RAB38: variants seen among roughly 807,000 people sequenced by gnomAD.
The protein encoded by RAB38 is RAB38, member RAS oncogene family.
A neutral mutation model predicts 18.4 loss-of-function variants in RAB38; 15 were observed. That is an observed-to-expected ratio of 0.82 (90% CI 0.55 to 1.26). RAB38 has a LOEUF of 1.26. RAB38 is among the 50% of genes most tolerant of loss of function. RAB38 has a pLI of 0.00. For synonymous variants in RAB38, 101 were observed against 104.4 expected (o/e 0.97, Z 0.20); for missense variants, 294 against 267.4 (o/e 1.10, Z -0.69).
At chr11:87,949,018 C>T in the RAB38 span, among the ~76,000 whole-genome samples, 1 of 152,080 alleles carries the variant, frequency 6.6e-6, no homozygotes. Flanking sequence ...CCATCTGGTC[C>T]TGGACTTTTT....
At chr11:87,956,690 C>T in the RAB38 span, among the ~76,000 whole-genome samples, 2 of 152,140 alleles carry the variant, frequency 1.3e-5, no homozygotes, top group African/African-American at 4.8e-5. Flanking sequence ...GAAGGTCACT[C>T]TGACCACCCC....
At chr11:87,827,521 G>C in the RAB38 span, among the ~76,000 whole-genome samples, 1,161 of 152,064 alleles carry the variant, frequency 7.6e-3, 23 homozygotes, top group African/African-American at 0.026. Flanking sequence ...ATGCAATCAT[G>C]GCTTTTCTTT....
intron 1 of RAB38, among the ~76,000 whole-genome samples, chr11:88,157,510 G>A (rs974361494): frequency 3.9e-5 from 6 of 152,012 alleles, no homozygotes; most frequent in Admixed American, 6.6e-5. Context: ...AGACATCTAC[G>A]GAATACTCTA....
At chr11:87,940,010 G>A in the RAB38 span, among the ~76,000 whole-genome samples, 10 of 151,236 alleles carry the variant, frequency 6.6e-5, no homozygotes. Flanking sequence ...AGAGCAAAAG[G>A]GAATAAAATA....
chr11:87,970,157 C>T, the RAB38 span, among the ~76,000 whole-genome samples: 1 of 151,998 alleles, frequency 6.6e-6, no homozygotes, highest in South Asian at 2.1e-4. Flanking sequence ...CAAGTAAGCA[C>T]TCAACTTGGG....
At chr11:88,067,519 A>G in the RAB38 span, among the ~76,000 whole-genome samples, 1 of 152,220 alleles carries the variant, frequency 6.6e-6, no homozygotes, top group East Asian at 1.9e-4. Flanking sequence ...AAGGAAAATA[A>G]CATTGATTGG....
chr11:88,004,479 A>G, the RAB38 span, among the ~76,000 whole-genome samples: 1 of 151,270 alleles, frequency 6.6e-6, no homozygotes, highest in Non-Finnish European at 1.5e-5. Flanking sequence ...GTTCCTCAAT[A>G]TCATAAAGGA....
chr11:87,958,203 G>A, the RAB38 span, among the ~76,000 whole-genome samples: 2 of 152,202 alleles, frequency 1.3e-5, no homozygotes, highest in Non-Finnish European at 2.9e-5. Flanking sequence ...TATGTTGTTA[G>A]ATGATTTTGC....
the RAB38 span, among the ~76,000 whole-genome samples, chr11:87,808,152 C>T: frequency 6.6e-6 from 1 of 152,032 alleles, no homozygotes; most frequent in Non-Finnish European, 1.5e-5. Context: ...TATGAAGATT[C>T]CTAAAAATAA....
At chr11:87,859,827 A>C in the RAB38 span, among the ~76,000 whole-genome samples, 16 of 152,026 alleles carry the variant, frequency 1.1e-4, no homozygotes, top group African/African-American at 3.9e-4. Flanking sequence ...AGGTTCATTC[A>C]TGGTAGTGGC....
chr11:88,079,417 T>C, the RAB38 span, among the ~76,000 whole-genome samples: 1 of 151,882 alleles, frequency 6.6e-6, no homozygotes, highest in African/African-American at 2.4e-5. Context: ...AGAACTCCAA[T>C]TTTAAGTAAA....
At chr11:87,958,748 A>G in the RAB38 span, among the ~76,000 whole-genome samples, 1 of 152,282 alleles carries the variant, frequency 6.6e-6, no homozygotes, top group African/African-American at 2.4e-5. Flanking sequence ...AATAAGCACT[A>G]TTCTTGAACA....
the RAB38 span, among the ~76,000 whole-genome samples, chr11:87,826,593 G>T: frequency 6.6e-6 from 1 of 152,040 alleles, no homozygotes; most frequent in African/African-American, 2.4e-5. Flanking sequence ...AAATGATTGA[G>T]CTCTTTCTGA....
At chr11:87,897,168 C>G in the RAB38 span, among the ~76,000 whole-genome samples, 1 of 151,548 alleles carries the variant, frequency 6.6e-6, no homozygotes, top group Non-Finnish European at 1.5e-5. Context: ...CCCCCCCAAA[C>G]CAATGTGAAC....
At chr11:87,954,428 G>T in the RAB38 span, among the ~76,000 whole-genome samples, 3 of 152,158 alleles carry the variant, frequency 2.0e-5, no homozygotes, top group African/African-American at 4.8e-5. Flanking sequence ...GTGACTAATT[G>T]GTCTTCAGGG....
the RAB38 span, among the ~76,000 whole-genome samples, chr11:87,872,992 G>A: frequency 2.0e-5 from 3 of 151,586 alleles, no homozygotes; most frequent in African/African-American, 7.2e-5. Flanking sequence ...TTACTGAATC[G>A]CATAGTAAAA....
At chr11:87,818,898 T>C in the RAB38 span, among the ~76,000 whole-genome samples, 3,171 of 152,304 alleles carry the variant, frequency 0.021, 126 homozygotes, top group Non-Finnish European at 0.024. Flanking sequence ...CAATTTGTGA[T>C]TTACCATTCA....
At chr11:88,142,363 T>C (rs537626111) in intron 2 of RAB38, among the ~76,000 whole-genome samples, 1 of 152,284 alleles carries the variant, frequency 6.6e-6, no homozygotes, top group African/African-American at 2.4e-5. Flanking sequence ...GCCTGGAAGG[T>C]TCTTAGTATG....
At chr11:87,887,528 T>C in the RAB38 span, among the ~76,000 whole-genome samples, 2 of 151,982 alleles carry the variant, frequency 1.3e-5, no homozygotes, top group Non-Finnish European at 2.9e-5. Context: ...CTCTTTCTAG[T>C]AGTATGAATT....
Sources: gnomAD v4.1 joint callset for allele counts (sites outside exome capture counted in the v4.1 genomes callset) on GRCh38, gnomAD v4.1.1 for gene constraint, MANE v1.5 for transcripts, NCBI Gene and HGNC (gene_info 2026-07-23, HGNC 2026-07-21) for gene names.